Variants in RNF43 observed in about 807,000 individuals in gnomAD.
The protein encoded by RNF43 is ring finger protein 43, also known as E3 ubiquitin-protein ligase RNF43.
RNF43 carries 37 observed loss-of-function variants against 78.4 expected under a neutral mutation model. That is an observed-to-expected ratio of 0.47 (90% CI 0.36 to 0.62). The LOEUF is 0.62. Among genes scored for constraint, RNF43 ranks in the 20% least tolerant of loss-of-function variants. RNF43 has a pLI of 0.00. For missense variants in RNF43, 774 were observed against 1,007.9 expected (o/e 0.77, Z 3.14); for synonymous variants, 347 against 395.0 (o/e 0.88, Z 1.44).
At chr17:58,402,501 A>C (rs1293053386) in intron 2 of RNF43, 1 of 152,214 alleles carries the variant, frequency 6.6e-6, no homozygotes, top group Non-Finnish European at 1.5e-5. Flanking sequence ...GATAATCTAC[A>C]AACAGGTTCC....
At chr17:58,397,624 T>C (rs868211537) in intron 2 of RNF43, among the ~76,000 whole-genome samples, 2 of 151,590 alleles carry the variant, frequency 1.3e-5, no homozygotes, top group East Asian at 1.9e-4. Context: ...GATTGCACCA[T>C]TGCATTCCAG....
intron 2 of RNF43, among the ~76,000 whole-genome samples, chr17:58,381,220 G>A (rs1000362133): frequency 1.3e-5 from 2 of 152,226 alleles, no homozygotes; most frequent in African/African-American, 4.8e-5. Flanking sequence ...CAACTCAGAT[G>A]CCCAGAGTCT....
intron 2 of RNF43, among the ~76,000 whole-genome samples, chr17:58,378,330 T>C (rs1265239790): frequency 6.6e-6 from 1 of 152,180 alleles, no homozygotes; most frequent in Non-Finnish European, 1.5e-5. Flanking sequence ...CAGTCTCAGC[T>C]CACTGCAGCC....
intron 2 of RNF43, chr17:58,402,529 T>C (rs1433420470): frequency 1.3e-5 from 2 of 152,148 alleles, no homozygotes; most frequent in Non-Finnish European, 2.9e-5. Flanking sequence ...CTTGGAAAAT[T>C]TGTGGATTCA....
intron 2 of RNF43, among the ~76,000 whole-genome samples, chr17:58,396,204 TAAC>T (rs1177829257): frequency 7.9e-5 from 12 of 152,270 alleles, no homozygotes; most frequent in Non-Finnish European, 1.8e-4. Flanking sequence ...ACAGAAATGA[TAAC>T]AACTGTTGAT....
intron 3 of RNF43, among the ~76,000 whole-genome samples, chr17:58,370,425 C>T (rs1249958516): frequency 1.3e-5 from 2 of 152,166 alleles, no homozygotes; most frequent in East Asian, 1.9e-4. Flanking sequence ...TTAATATACA[C>T]ATTGAAAAGT....
rs777326371 is a variant in RNF43 at position 58,358,149 on chromosome 17, G to T, written c.1627C>A (p.Gln543Lys). ...LDSVVPTGETQVSSHVHYHRH... is the reference protein window; with the variant it reads ...LDSVVPTGETKVSSHVHYHRH... Reference sequence around the variant, plus strand: ...TGGTAGTGGACATGGCTGGAAACCTGGGTTTCCCCTGTGGGCACCACCGAG... The same window carrying T: ...TGGTAGTGGACATGGCTGGAAACCTTGGTTTCCCCTGTGGGCACCACCGAG... Residue 543 changes from glutamine (Q) to lysine (K), a missense_variant, in exon 9 of 10, where the codon CAG becomes AAG. Transcript: ENST00000407977. This position sits in a 1 kb window ranked among gnomAD's most constrained non-coding sequence, Gnocchi z 6.2. 6.2e-7 allele frequency: 1 copy of T among 1,612,814 alleles called. No homozygotes were observed. The highest frequency in any genetic ancestry group is 1.1e-5 in the South Asian group (1 of 90,978).
At chr17:58,414,599 A>T (rs1359866487) in intron 2 of RNF43, among the ~76,000 whole-genome samples, 1 of 152,264 alleles carries the variant, frequency 6.6e-6, no homozygotes, top group Non-Finnish European at 1.5e-5. Context: ...CATAAAGAAT[A>T]GGCCATGTAT....
Position 58,415,716 on chromosome 17 carries a change from C to T in RNF43, c.-139G>A. Reference sequence around the variant, plus strand: ...TCAGAAAGCCAAGTCGTAGTTTTGGCCCTTCCTTTCTCTAAAGTTTATTCC... The same window carrying T: ...TCAGAAAGCCAAGTCGTAGTTTTGGTCCTTCCTTTCTCTAAAGTTTATTCC... On this transcript the variant is annotated 5_prime_UTR_variant, in exon 2 of 10. Transcript: ENST00000407977. The T allele has an allele frequency of 3.0e-6, 3 of 986,124 alleles. No individual in the cohort carries two copies. The highest frequency in any genetic ancestry group is 4.4e-6 in the Non-Finnish European group (3 of 684,410). 61.1% of individuals were successfully genotyped at this position (986,124 alleles called of 1,614,324 possible).
chr17:58,402,409 T>G (rs1973823326), intron 2 of RNF43, among the ~76,000 whole-genome samples: 1 of 152,246 alleles, frequency 6.6e-6, no homozygotes, highest in Admixed American at 6.5e-5. Context: ...GGCATAATTC[T>G]GCCTAAATTT....
chr17:58,380,764 C>T (rs1973296397), intron 2 of RNF43, among the ~76,000 whole-genome samples: 3 of 152,158 alleles, frequency 2.0e-5, no homozygotes, highest in African/African-American at 4.8e-5. Flanking sequence ...TGCAAGAGTG[C>T]GAAATAGCTT....
intron 2 of RNF43, among the ~76,000 whole-genome samples, chr17:58,396,802 T>C (rs1243510014): frequency 3.3e-5 from 5 of 152,200 alleles, no homozygotes; most frequent in African/African-American, 7.2e-5. Flanking sequence ...GACATAATCA[T>C]TCTAACCTAA....
chr17:58,358,136 T>C lies in RNF43; in HGVS notation c.1640A>G (p.His547Arg), dbSNP rs1234925905. Residue 547 changes from histidine to arginine, a missense_variant, in exon 9 of 10, where the codon CAT becomes CGT. By Grantham distance (29) the His-to-Arg change is conservative (BLOSUM62 0). Transcript: ENST00000407977. The surrounding 1 kb of genome is among the most constrained non-coding windows in gnomAD (Gnocchi z 6.2). The part of the protein sequence containing the change: ...VPTGETQVSS[H>R]VHYHRHRHHH... ...GTGCCGGTGGCGGTGGTAGTGGACATGGCTGGAAACCTGGGTTTCCCCTGT... is the reference window on the plus strand; with the variant it reads ...GTGCCGGTGGCGGTGGTAGTGGACACGGCTGGAAACCTGGGTTTCCCCTGT... 10 of 1,612,908 alleles carry C rather than the reference T, an allele frequency of 6.2e-6. No homozygotes were observed. The highest frequency in any genetic ancestry group is 5.1e-6 in the Non-Finnish European group (6 of 1,179,650).
rs968109138 is a variant in RNF43, at chr17:58,415,914, T to C, written c.-337A>G. 3 of 392,936 alleles carry C rather than the reference T, an allele frequency of 7.6e-6. No individual in the cohort carries two copies. Among genetic ancestry groups the C allele is most frequent in the East Asian group, 4.2e-5 (1 of 23,538 alleles). 24.3% of individuals were successfully genotyped at this position (392,936 alleles called of 1,614,324 possible). A position where few individuals can be genotyped will look rare whatever the true frequency, so the allele number is the denominator to read the frequency against. The stretch of plus-strand genomic sequence containing the variant: ...AATGTCACTTCGTGAATTTGTATTA[T>C]GTCAGATCACTTGGCATTGCTCTTC... On this transcript the variant is annotated 5_prime_UTR_variant, in exon 2 of 10. Coordinates refer to ENST00000407977, the MANE Select transcript of RNF43 (RefSeq NM_017763.6).
Position 58,360,059 on chromosome 17 carries a change from C to T in RNF43, c.952+90G>A. On this transcript the variant is annotated intron_variant, in intron 8 of 9. Coordinates refer to ENST00000407977, the MANE Select transcript of RNF43 (RefSeq NM_017763.6). This position sits in a 1 kb window ranked among gnomAD's most constrained non-coding sequence, Gnocchi z 4.3. ...TATGGTGGCAGTTCTGCTTTCTCCC[C>T]AGCTTCAAGGCTGCAACCCTTTCCC... 1.0e-6 allele frequency: 1 copy of T among 961,386 alleles called. No homozygotes were observed. Among genetic ancestry groups the T allele is most frequent in the Non-Finnish European group, 1.7e-6 (1 of 599,128 alleles). 59.6% of individuals were successfully genotyped at this position (961,386 alleles called of 1,614,324 possible).
At chr17:58,368,882 A>G (rs1426359357) in intron 3 of RNF43, among the ~76,000 whole-genome samples, 1 of 152,176 alleles carries the variant, frequency 6.6e-6, no homozygotes. Flanking sequence ...CCTCTGAAAT[A>G]TTGCAGGTAG....
intron 2 of RNF43, among the ~76,000 whole-genome samples, chr17:58,404,622 C>T (rs1567895815): frequency 6.6e-6 from 1 of 152,102 alleles, no homozygotes; most frequent in South Asian, 2.1e-4. Flanking sequence ...AAAATCAACA[C>T]ATTTTAGGGA....
rs1164405674 is a variant in RNF43 at position 58,357,163 on chromosome 17, G to A, written c.2308+305C>T. On this transcript the variant is annotated intron_variant, in intron 9 of 9. Transcript: ENST00000407977. The surrounding 1 kb of genome is among the most constrained non-coding windows in gnomAD (Gnocchi z 4.5). ...CCCACCTAGGCCTCCCAAAGTTCTG[G>A]GATTACAGGCATGAGCCATCACACC... The A allele has an allele frequency of 2.9e-6, 2 of 698,300 alleles. No homozygotes were observed. Among genetic ancestry groups the A allele is most frequent in the East Asian group, 2.7e-5 (1 of 37,164 alleles). 43.3% of individuals were successfully genotyped at this position (698,300 alleles called of 1,614,324 possible).
intron 2 of RNF43, among the ~76,000 whole-genome samples, chr17:58,377,159 A>C (rs1028340747): frequency 6.6e-6 from 1 of 152,116 alleles, no homozygotes; most frequent in African/African-American, 2.4e-5. Flanking sequence ...TCTGAGCCTC[A>C]TATTGCTCGT....
Sources: allele counts gnomAD v4.1 joint callset (sites outside exome capture counted in the v4.1 genomes callset), GRCh38; gene constraint gnomAD v4.1.1; non-coding constraint Gnocchi (gnomAD v3.1); transcripts MANE v1.5; gene names NCBI Gene and HGNC (gene_info 2026-07-23, HGNC 2026-07-21).